ADGRB3: variants seen among roughly 807,000 people sequenced by gnomAD.
ADGRB3 encodes brain-specific angiogenesis inhibitor 3.
ADGRB3 carries 37 observed loss-of-function variants against 193.4 expected under a neutral mutation model. The observed-to-expected ratio is 0.19, with a 90% CI of 0.15 to 0.25. The LOEUF is 0.25. Among genes scored for constraint, ADGRB3 ranks in the 10% least tolerant of loss-of-function variants. The probability of loss-of-function intolerance (pLI) is 1.00; values close to 1 mark genes in which losing one functional copy is unlikely to be tolerated. For missense variants in ADGRB3, 1,637 were observed against 1,852.9 expected (o/e 0.88, Z 2.14); for synonymous variants, 690 against 644.2 (o/e 1.07, Z -1.08).
chr6:68,873,670 C>G (rs1479192444), intron 3 of ADGRB3, among the ~76,000 whole-genome samples: 1 of 152,034 alleles, frequency 6.6e-6, no homozygotes, highest in Non-Finnish European at 1.5e-5. Flanking sequence ...AAATTATTGA[C>G]TATGAATTCC....
intron 3 of ADGRB3, among the ~76,000 whole-genome samples, chr6:68,734,843 G>A (rs1201477403): frequency 6.6e-6 from 1 of 151,974 alleles, no homozygotes; most frequent in Admixed American, 6.6e-5. Context: ...CAATTAAACT[G>A]ATTTAATGAA....
At chr6:69,051,250 G>C (rs375977296) in intron 15 of ADGRB3, among the ~76,000 whole-genome samples, 9 of 152,260 alleles carry the variant, frequency 5.9e-5, no homozygotes, top group African/African-American at 1.7e-4. Flanking sequence ...GATGCCACGT[G>C]TAACATAAAG....
At chr6:68,929,255 T>A (rs1490229980) in intron 3 of ADGRB3, among the ~76,000 whole-genome samples, 1 of 152,196 alleles carries the variant, frequency 6.6e-6, no homozygotes, top group African/African-American at 2.4e-5. Context: ...ATTTTCTGCC[T>A]TGGATATTTT....
At chr6:68,997,516 C>A in intron 11 of ADGRB3, among the ~76,000 whole-genome samples, 1 of 144,854 alleles carries the variant, frequency 6.9e-6, no homozygotes, top group Non-Finnish European at 1.5e-5. Flanking sequence ...AAAAGCAGTG[C>A]ATGGTAGTGC....
intron 3 of ADGRB3, among the ~76,000 whole-genome samples, chr6:68,812,151 G>C (rs1767524146): frequency 6.6e-6 from 1 of 152,140 alleles, no homozygotes; most frequent in South Asian, 2.1e-4. Flanking sequence ...TCGATGAGTA[G>C]ATTAACCTGA....
rs190178449 is a variant in ADGRB3, at chr6:68,790,702, C to A, written c.758-139857C>A. Among the ~76,000 whole-genome samples, 7 of 152,332 alleles carry A rather than the reference C, an allele frequency of 4.6e-5. No homozygotes were observed. The East Asian group carries it at 1.4e-3, about 29-fold the overall frequency. Reference sequence around the variant, plus strand: ...GGGTCTGGAGTGGACCTCTAGCAAACTCCAACAGACCTGCAGCTGAGGATC... The same window carrying A: ...GGGTCTGGAGTGGACCTCTAGCAAAATCCAACAGACCTGCAGCTGAGGATC... On this transcript the variant is annotated intron_variant, in intron 3 of 31. Transcript: ENST00000370598.
intron 17 of ADGRB3, among the ~76,000 whole-genome samples, chr6:69,147,616 G>A (rs1774541753): frequency 6.6e-6 from 1 of 152,128 alleles, no homozygotes; most frequent in Non-Finnish European, 1.5e-5. Context: ...TGTGCATTCT[G>A]CAGCTGTTGG....
intron 3 of ADGRB3, among the ~76,000 whole-genome samples, chr6:68,745,881 T>C (rs1766073656): frequency 1.3e-5 from 2 of 152,154 alleles, no homozygotes; most frequent in African/African-American, 4.8e-5. Context: ...TGTCTCCTTA[T>C]TGCGATTTGT....
intron 15 of ADGRB3, among the ~76,000 whole-genome samples, chr6:69,057,118 CCTT>C (rs1408533504): frequency 6.6e-6 from 1 of 151,924 alleles, no homozygotes. Flanking sequence ...ACTCTTTCCT[CCTT>C]AAGTTTACTC....
At chr6:68,840,241 T>A (rs1038398444) in intron 3 of ADGRB3, among the ~76,000 whole-genome samples, 1 of 152,050 alleles carries the variant, frequency 6.6e-6, no homozygotes, top group Non-Finnish European at 1.5e-5. Flanking sequence ...GCCAAAGATG[T>A]TGCAGCTCTG....
chr6:69,177,170 G>A (rs1262932993), intron 17 of ADGRB3, among the ~76,000 whole-genome samples: 4 of 151,928 alleles, frequency 2.6e-5, no homozygotes, highest in African/African-American at 9.7e-5. Context: ...TAGGTTTGGG[G>A]TTAGTTTTTT....
chr6:69,123,941 T>TA (rs1482988131), intron 17 of ADGRB3, among the ~76,000 whole-genome samples: 2 of 152,190 alleles, frequency 1.3e-5, no homozygotes, highest in African/African-American at 4.8e-5. Context: ...AAAGGGGACT[T>TA]ACATAATTTG....
intron 3 of ADGRB3, among the ~76,000 whole-genome samples, chr6:68,665,795 T>C (rs532398582): frequency 6.6e-6 from 1 of 151,968 alleles, no homozygotes; most frequent in African/African-American, 2.4e-5. Flanking sequence ...ATACTTATGA[T>C]TTGGATTATA....
intron 10 of ADGRB3, among the ~76,000 whole-genome samples, chr6:68,988,627 CA>C (rs1483870234): frequency 6.6e-6 from 1 of 152,036 alleles, no homozygotes; most frequent in Non-Finnish European, 1.5e-5. Flanking sequence ...GAAATTAACG[CA>C]GGGGGATATC....
chr6:69,002,196 T>C (rs1769599004), intron 11 of ADGRB3, among the ~76,000 whole-genome samples: 1 of 151,494 alleles, frequency 6.6e-6, no homozygotes, highest in African/African-American at 2.4e-5. Context: ...GAAGTAGTAA[T>C]TTCAACAAAA....
At chr6:68,744,234 T>G (rs1766037909) in intron 3 of ADGRB3, among the ~76,000 whole-genome samples, 1 of 151,944 alleles carries the variant, frequency 6.6e-6, no homozygotes, top group Non-Finnish European at 1.5e-5. Flanking sequence ...AATAAATATA[T>G]CAAATAAAAA....
At chr6:68,848,613 A>G (rs1768336570) in intron 3 of ADGRB3, among the ~76,000 whole-genome samples, 1 of 152,048 alleles carries the variant, frequency 6.6e-6, no homozygotes, top group Admixed American at 6.6e-5. Context: ...TATGTTTTAC[A>G]TAATTCTATT....
intron 3 of ADGRB3, among the ~76,000 whole-genome samples, chr6:68,809,068 G>A (rs530185139): frequency 1.4e-5 from 1 of 72,222 alleles, no homozygotes. Context: ...TTTTAATTGT[G>A]CTGGTTTAAA....
chr6:68,851,591 A>T (rs2127391158), intron 3 of ADGRB3, among the ~76,000 whole-genome samples: 1 of 151,978 alleles, frequency 6.6e-6, no homozygotes, highest in East Asian at 1.9e-4. Context: ...TTGTTAAATG[A>T]TACAAAATTA....
Sources: allele counts gnomAD v4.1 joint callset (sites outside exome capture counted in the v4.1 genomes callset), GRCh38; gene constraint gnomAD v4.1.1; transcripts MANE v1.5; gene names NCBI Gene and HGNC (gene_info 2026-07-23, HGNC 2026-07-21).